Variants in MDGA2 observed in about 807,000 individuals in gnomAD.
MDGA2 encodes the protein MAM domain-containing glycosylphosphatidylinositol anchor protein 2.
MDGA2 carries 40 observed loss-of-function variants against 117.8 expected under a neutral mutation model. The ratio of observed to expected loss-of-function variants is 0.34; its 90% CI spans 0.26 to 0.44. The LOEUF (loss-of-function observed/expected upper bound fraction) is 0.44. MDGA2 is among the 20% of genes least tolerant of loss of function. The pLI is 1.00. For synonymous variants in MDGA2, 452 were observed against 439.0 expected (o/e 1.03, Z -0.37); for missense variants, 1,123 against 1,250.6 (o/e 0.90, Z 1.54).
chr14:47,277,195 A>G (rs1335189324), intron 2 of MDGA2, among the ~76,000 whole-genome samples: 1 of 152,144 alleles, frequency 6.6e-6, no homozygotes, highest in East Asian at 1.9e-4. Flanking sequence ...GACCCTGCCA[A>G]TCTCCTGTGA....
At chr14:46,904,798 C>T (rs992231952) in intron 10 of MDGA2, among the ~76,000 whole-genome samples, 3 of 152,158 alleles carry the variant, frequency 2.0e-5, no homozygotes, top group Non-Finnish European at 4.4e-5. Context: ...AGATGAAACT[C>T]GACTAGAAAC....
At chr14:46,844,041 T>C (rs1175906469) in intron 16 of MDGA2, among the ~76,000 whole-genome samples, 1 of 152,170 alleles carries the variant, frequency 6.6e-6, no homozygotes, top group Non-Finnish European at 1.5e-5. Flanking sequence ...AAATACATAA[T>C]TCTAAATCTT....
chr14:47,226,584 G>A (rs1452827830), intron 2 of MDGA2, among the ~76,000 whole-genome samples: 1 of 152,100 alleles, frequency 6.6e-6, no homozygotes, highest in East Asian at 1.9e-4. Context: ...GGAGCACTAC[G>A]ATAGGGCCTG....
intron 11 of MDGA2, among the ~76,000 whole-genome samples, chr14:46,879,448 C>T (rs1326672779): frequency 6.6e-6 from 1 of 152,064 alleles, no homozygotes; most frequent in Non-Finnish European, 1.5e-5. Context: ...TTGCCCAAAC[C>T]TATATCACAT....
At chr14:47,161,268 T>G (rs983338553) in intron 3 of MDGA2, among the ~76,000 whole-genome samples, 1 of 152,132 alleles carries the variant, frequency 6.6e-6, no homozygotes, top group Admixed American at 6.5e-5. Flanking sequence ...CATTTTGAGC[T>G]GATTTTCCAT....
chr14:47,058,414 T>C (rs1313002861), intron 7 of MDGA2, among the ~76,000 whole-genome samples: 1 of 152,116 alleles, frequency 6.6e-6, no homozygotes, highest in Non-Finnish European at 1.5e-5. Context: ...TCACCACATA[T>C]ATATTTATGT....
chr14:46,946,216 G>A (rs780917022), intron 9 of MDGA2, among the ~76,000 whole-genome samples: 1 of 151,976 alleles, frequency 6.6e-6, no homozygotes, highest in Admixed American at 6.6e-5. Context: ...TTCATTAGTA[G>A]TGCTCTATAT....
intron 7 of MDGA2, among the ~76,000 whole-genome samples, chr14:47,047,718 C>T (rs902720275): frequency 1.3e-5 from 2 of 151,946 alleles, no homozygotes; most frequent in East Asian, 1.9e-4. Flanking sequence ...ATTATGCATA[C>T]ATTTCTATAT....
At chr14:47,634,545 G>C (rs999462038) in intron 1 of MDGA2, among the ~76,000 whole-genome samples, 1 of 151,952 alleles carries the variant, frequency 6.6e-6, no homozygotes, top group South Asian at 2.1e-4. Context: ...AAGAAAAATC[G>C]CTTGTAAATC....
At chr14:47,133,943 G>C (rs1183607406) in intron 4 of MDGA2, among the ~76,000 whole-genome samples, 1 of 151,922 alleles carries the variant, frequency 6.6e-6, no homozygotes, top group Non-Finnish European at 1.5e-5. Context: ...ATGCAAGCAA[G>C]CCACAATGAT....
chr14:46,877,596 G>A (rs1439550385), intron 11 of MDGA2, 87 bp from the exon 12 acceptor site: 3 of 908,230 alleles, frequency 3.3e-6, no homozygotes, highest in Non-Finnish European at 5.0e-6. Context: ...TCTAATCAGT[G>A]TCTCATAGTT....
chr14:47,034,442 T>G (rs1435941438), intron 8 of MDGA2, among the ~76,000 whole-genome samples: 1 of 152,160 alleles, frequency 6.6e-6, no homozygotes, highest in Non-Finnish European at 1.5e-5. Flanking sequence ...CCTAAGACTT[T>G]CCTGAATTAT....
At chr14:46,947,703 C>T (rs993034684) in intron 9 of MDGA2, among the ~76,000 whole-genome samples, 2 of 152,048 alleles carry the variant, frequency 1.3e-5, no homozygotes, top group African/African-American at 2.4e-5. Flanking sequence ...TCCACCATGA[C>T]TGTGAGGCTT....
intron 7 of MDGA2, among the ~76,000 whole-genome samples, chr14:47,052,014 T>C (rs1286069974): frequency 6.6e-6 from 1 of 151,914 alleles, no homozygotes; most frequent in Non-Finnish European, 1.5e-5. Context: ...TTGTTAACTA[T>C]AAATCTGGTG....
chr14:47,243,910 T>A (rs1447702196), intron 2 of MDGA2, among the ~76,000 whole-genome samples: 1 of 151,842 alleles, frequency 6.6e-6, no homozygotes, highest in Non-Finnish European at 1.5e-5. Context: ...CATTATTCTC[T>A]CTGGGTCTTA....
chr14:47,442,742 C>T (rs1319987929), intron 1 of MDGA2, among the ~76,000 whole-genome samples: 1 of 152,112 alleles, frequency 6.6e-6, no homozygotes, highest in Non-Finnish European at 1.5e-5. Context: ...TTCGAGCCCC[C>T]GCTTATCCAA....
intron 3 of MDGA2, among the ~76,000 whole-genome samples, chr14:47,183,078 T>A (rs1884774162): frequency 6.6e-6 from 1 of 152,160 alleles, no homozygotes; most frequent in African/African-American, 2.4e-5. Context: ...TTTCTGAACA[T>A]TTATATGTAT....
chr14:47,256,603 T>C (rs1263161895), intron 2 of MDGA2, among the ~76,000 whole-genome samples: 4 of 152,158 alleles, frequency 2.6e-5, no homozygotes, highest in Non-Finnish European at 4.4e-5. Context: ...GTCATTTCTC[T>C]GGAAGGAAAT....
chr14:46,939,224 AATATATT>A (rs1884905478), intron 9 of MDGA2, among the ~76,000 whole-genome samples: 1 of 152,176 alleles, frequency 6.6e-6, no homozygotes, highest in Non-Finnish European at 1.5e-5. Flanking sequence ...TATAGTTTAC[AATATATT>A]ATATATTTTC....
Sources: allele counts gnomAD v4.1 joint callset (sites outside exome capture counted in the v4.1 genomes callset), GRCh38; gene constraint gnomAD v4.1.1; transcripts MANE v1.5; gene names NCBI Gene and HGNC (gene_info 2026-07-23, HGNC 2026-07-21).